RABGAP1L: variants seen among roughly 807,000 people sequenced by gnomAD.
The protein encoded by RABGAP1L is RAB GTPase activating protein 1 like.
A neutral mutation model predicts 137.7 loss-of-function variants in RABGAP1L; 63 were observed. That is an observed-to-expected ratio of 0.46 (90% confidence interval 0.37 to 0.56). The LOEUF (loss-of-function observed/expected upper bound fraction) is 0.56. RABGAP1L is among the 20% of genes least tolerant of loss of function. The pLI is 0.00. For synonymous variants in RABGAP1L, 431 were observed against 433.7 expected (o/e 0.99, Z 0.08); for missense variants, 1,095 against 1,244.0 (o/e 0.88, Z 1.80).
chr1:174,890,022 C>T (rs1655855329), intron 19 of RABGAP1L, among the ~76,000 whole-genome samples: 1 of 152,128 alleles, frequency 6.6e-6, no homozygotes, highest in South Asian at 2.1e-4. Flanking sequence ...TGTGAGCCAC[C>T]ACTCCCAGCC....
intron 13 of RABGAP1L, among the ~76,000 whole-genome samples, chr1:174,599,395 T>C (rs902655436): frequency 6.6e-6 from 1 of 152,218 alleles, no homozygotes; most frequent in Non-Finnish European, 1.5e-5. Flanking sequence ...AGTGTTATCA[T>C]ATTCTGTATT....
chr1:174,646,363 T>C (rs970484700), intron 14 of RABGAP1L, among the ~76,000 whole-genome samples: 37 of 152,194 alleles, frequency 2.4e-4, no homozygotes, highest in African/African-American at 8.7e-4. Flanking sequence ...TTTAAGTCTT[T>C]AATCCATCTT....
intron 17 of RABGAP1L, among the ~76,000 whole-genome samples, chr1:174,747,093 A>G (rs1484886611): frequency 6.6e-6 from 1 of 152,032 alleles, no homozygotes; most frequent in African/African-American, 2.4e-5. Flanking sequence ...AATGTATGAG[A>G]TATTTTGCTT....
chr1:174,599,845 T>A (rs1019577622), intron 13 of RABGAP1L, among the ~76,000 whole-genome samples: 4 of 152,190 alleles, frequency 2.6e-5, no homozygotes, highest in African/African-American at 9.6e-5. Flanking sequence ...ATAACCTTCT[T>A]GTACTTGAAT....
At chr1:174,759,823 G>A (rs879607373) in intron 18 of RABGAP1L, among the ~76,000 whole-genome samples, 2 of 152,060 alleles carry the variant, frequency 1.3e-5, no homozygotes, top group Admixed American at 1.3e-4. Flanking sequence ...CTCACTGAGT[G>A]AGAACTAGCT....
intron 12 of RABGAP1L, among the ~76,000 whole-genome samples, chr1:174,376,368 G>A (rs961186534): frequency 1.3e-5 from 2 of 152,008 alleles, no homozygotes; most frequent in Admixed American, 1.3e-4. Flanking sequence ...TATCAAAACC[G>A]GATGAAAATA....
At chr1:174,871,683 A>C (rs113017945) in intron 19 of RABGAP1L, among the ~76,000 whole-genome samples, 7 of 152,320 alleles carry the variant, frequency 4.6e-5, no homozygotes, top group African/African-American at 1.7e-4. Context: ...TCTTATGAAA[A>C]AACGAATATC....
chr1:174,311,796 A>T (rs1280007421), intron 11 of RABGAP1L, among the ~76,000 whole-genome samples: 1 of 152,038 alleles, frequency 6.6e-6, no homozygotes. Context: ...TAGTAGAGAC[A>T]GGGTTTCGCC....
intron 13 of RABGAP1L, among the ~76,000 whole-genome samples, chr1:174,576,743 C>G (rs1572379916): frequency 6.6e-6 from 1 of 152,288 alleles, no homozygotes; most frequent in East Asian, 1.9e-4. Flanking sequence ...AAAGCTTTCT[C>G]CAGATTTAAC....
intron 14 of RABGAP1L, among the ~76,000 whole-genome samples, chr1:174,639,356 C>T (rs1169468214): frequency 6.6e-6 from 1 of 151,942 alleles, no homozygotes; most frequent in Non-Finnish European, 1.5e-5. Context: ...TACCAAAGAC[C>T]ATTGGATGCC....
At chr1:174,543,805 C>G (rs906218235) in intron 13 of RABGAP1L, among the ~76,000 whole-genome samples, 3 of 152,178 alleles carry the variant, frequency 2.0e-5, no homozygotes, top group Admixed American at 6.6e-5. Context: ...GACAAAATCT[C>G]TCAGCATTTG....
chr1:174,787,231 T>C (rs1258570596), intron 18 of RABGAP1L, among the ~76,000 whole-genome samples: 1 of 151,868 alleles, frequency 6.6e-6, no homozygotes, highest in African/African-American at 2.4e-5. Flanking sequence ...GGTGAAACCC[T>C]GTCTCTACTA....
rs929882890 is a variant in RABGAP1L, at chr1:174,989,221, C to A, written c.3003+383C>A. On this transcript the variant is annotated intron_variant, in intron 25 of 25. Coordinates refer to ENST00000681986, the MANE Select transcript of RABGAP1L (RefSeq NM_001366446.1). Reference sequence around the variant, plus strand: ...CTGAGAGTCACACATTGGCTGACACCCGTTCTTTCCTTTAGAGCTTCTTTT... The same window carrying A: ...CTGAGAGTCACACATTGGCTGACACACGTTCTTTCCTTTAGAGCTTCTTTT... Among the ~76,000 whole-genome samples, 5 of 152,138 alleles carry A rather than the reference C, an allele frequency of 3.3e-5. No homozygotes were observed. In the South Asian group the frequency reaches 1.0e-3, roughly 31 times the overall value.
chr1:174,660,387 C>T (rs1676285379), intron 14 of RABGAP1L, among the ~76,000 whole-genome samples: 1 of 152,134 alleles, frequency 6.6e-6, no homozygotes, highest in Admixed American at 6.5e-5. Context: ...ATGGAATGGT[C>T]AACAGGTTGC....
intron 10 of RABGAP1L, among the ~76,000 whole-genome samples, chr1:174,304,194 C>T (rs1677981182): frequency 6.6e-6 from 1 of 151,896 alleles, no homozygotes; most frequent in African/African-American, 2.4e-5. Context: ...TAAGGTCTTT[C>T]TTCTTTAGTC....
rs1365506384 is a variant in RABGAP1L at position 174,969,341 on chromosome 1, A to G, written c.2498A>G (p.His833Arg). The change falls in exon 21 of 26, where the codon CAT (histidine) becomes CGT (arginine). Residue 833 changes from histidine to arginine, a missense_variant. Coordinates refer to ENST00000681986, the MANE Select transcript of RABGAP1L (RefSeq NM_001366446.1). ...GAACAAGAGAATGATGACCTTGCCCATGAACTAGTAACAAGCAAAATTGCT... is the reference window on the plus strand; with the variant it reads ...GAACAAGAGAATGATGACCTTGCCCGTGAACTAGTAACAAGCAAAATTGCT... ...RLEQENDDLA[H>R]ELVTSKIALR... 5 of 1,550,738 alleles carry G rather than the reference A, an allele frequency of 3.2e-6. No individual in the cohort carries two copies. The highest frequency in any genetic ancestry group is 2.6e-6 in the Non-Finnish European group (3 of 1,146,980).
intron 19 of RABGAP1L, among the ~76,000 whole-genome samples, chr1:174,896,337 T>C (rs1327553480): frequency 6.6e-6 from 1 of 152,240 alleles, no homozygotes; most frequent in Non-Finnish European, 1.5e-5. Context: ...TTCTGGATAT[T>C]AGTCCTTTGT....
intron 18 of RABGAP1L, chr1:174,756,760 G>A (rs1034521493): frequency 1.2e-5 from 5 of 407,462 alleles, no homozygotes; most frequent in South Asian, 9.7e-5. Flanking sequence ...GACAATAGCA[G>A]TCTTTTCCTT....
intron 7 of RABGAP1L, among the ~76,000 whole-genome samples, chr1:174,262,171 G>C (rs1673629807): frequency 6.6e-6 from 1 of 152,130 alleles, no homozygotes; most frequent in Non-Finnish European, 1.5e-5. Context: ...AATAATTTGG[G>C]GAGTGGATAA....
Sources: gnomAD v4.1 joint callset for allele counts (sites outside exome capture counted in the v4.1 genomes callset) on GRCh38, gnomAD v4.1.1 for gene constraint, MANE v1.5 for transcripts, NCBI Gene and HGNC (gene_info 2026-07-23, HGNC 2026-07-21) for gene names.